CSMD2: variants seen among roughly 807,000 people sequenced by gnomAD.
CSMD2 encodes the protein CUB and Sushi multiple domains 2.
Under a neutral mutation model 398.5 loss-of-function variants are expected in CSMD2, and 130 were observed. The observed-to-expected ratio is 0.33, with a 90% CI of 0.28 to 0.38. The LOEUF is 0.38. CSMD2 is among the 10% of genes least tolerant of loss of function. The probability of loss-of-function intolerance (pLI) is 1.00; values close to 1 mark genes in which losing one functional copy is unlikely to be tolerated. For synonymous variants in CSMD2, 1,828 were observed against 1,908.5 expected (o/e 0.96, Z 1.10); for missense variants, 3,829 against 4,764.9 (o/e 0.80, Z 5.78).
At chr1:34,012,564 C>T (rs924031265) in intron 3 of CSMD2, among the ~76,000 whole-genome samples, 64 of 152,038 alleles carry the variant, frequency 4.2e-4, no homozygotes, top group African/African-American at 1.5e-3. Context: ...GCCTCAACCT[C>T]CTGAGTAGCT....
At chr1:33,955,090 A>T (rs1257354659) in intron 3 of CSMD2, among the ~76,000 whole-genome samples, 1 of 152,172 alleles carries the variant, frequency 6.6e-6, no homozygotes, top group Non-Finnish European at 1.5e-5. Context: ...AGAGAGGACG[A>T]TCCCGAGTAG....
chr1:33,725,880 T>C (rs1362448436), intron 16 of CSMD2, among the ~76,000 whole-genome samples: 1 of 151,640 alleles, frequency 6.6e-6, no homozygotes, highest in East Asian at 1.9e-4. Context: ...ATCTGGTCTA[T>C]AGCCTGGAGA....
chr1:34,106,381 G>T (rs1042743443), intron 1 of CSMD2, among the ~76,000 whole-genome samples: 1 of 152,188 alleles, frequency 6.6e-6, no homozygotes, highest in African/African-American at 2.4e-5. Context: ...TGAAATGGCT[G>T]TTACAGCCCC....
intron 3 of CSMD2, 82 bp from the exon 4 acceptor site, chr1:33,936,036 C>T (rs1644471033): frequency 2.5e-6 from 3 of 1,219,064 alleles, no homozygotes; most frequent in African/African-American, 1.5e-5. Flanking sequence ...GTAGCAACTC[C>T]CTAGGCCACT....
intron 2 of CSMD2, among the ~76,000 whole-genome samples, chr1:34,070,867 T>C (rs1195844349): frequency 6.6e-6 from 1 of 152,184 alleles, no homozygotes; most frequent in Non-Finnish European, 1.5e-5. Context: ...TCCCCGTTCC[T>C]CTTTACTTTG....
chr1:33,542,773 C>T lies in CSMD2; in HGVS notation c.9224G>A (p.Ser3075Asn). The change falls in exon 58 of 71, where the codon AGC becomes AAC. Residue 3075 changes from serine (S) to asparagine (N), a missense_variant. Ser to Asn is a conservative substitution (Grantham distance 46). Transcript: ENST00000373381. ...REGYYATGLL[S>N]RHCSVNGTWT... ...GGTACCATTGACCGAGCAGTGACGG[C>T]TGAGCAGGCCTGTGGCGTAGTATCC... The T allele has an allele frequency of 6.2e-7, 1 of 1,614,094 alleles. No individual in the cohort carries two copies. Among genetic ancestry groups the T allele is most frequent in the Non-Finnish European group, 8.5e-7 (1 of 1,180,014 alleles).
At chr1:33,640,736 A>G (rs1349705353) in intron 29 of CSMD2, among the ~76,000 whole-genome samples, 2 of 152,368 alleles carry the variant, frequency 1.3e-5, no homozygotes, top group Non-Finnish European at 2.9e-5. Context: ...CTTTAAGAGT[A>G]TATCTTATAT....
chr1:33,829,453 CAT>C (rs1204935463), intron 6 of CSMD2, among the ~76,000 whole-genome samples: 5 of 152,156 alleles, frequency 3.3e-5, no homozygotes, highest in Non-Finnish European at 5.9e-5. Context: ...AGTTTTGTTA[CAT>C]ATATATACAT....
intron 5 of CSMD2, among the ~76,000 whole-genome samples, chr1:33,886,708 C>T (rs1236648086): frequency 1.3e-5 from 2 of 152,158 alleles, no homozygotes; most frequent in Admixed American, 6.5e-5. Context: ...AGCAGCCAGC[C>T]GCAGGAAAGG....
intron 12 of CSMD2, among the ~76,000 whole-genome samples, chr1:33,786,115 T>C (rs1008722852): frequency 3.9e-5 from 6 of 152,222 alleles, no homozygotes; most frequent in Non-Finnish European, 8.8e-5. Context: ...TGACTTGATA[T>C]TTATTCCCAC....
rs1655486029 is a variant in CSMD2, at chr1:33,533,761, A to C, written c.9991+35T>G. The C allele has an allele frequency of 3.5e-6, 5 of 1,414,962 alleles. No homozygotes were observed. Among genetic ancestry groups the C allele is most frequent in the Non-Finnish European group, 5.0e-6 (5 of 999,406 alleles). The allele number at this position is 1,414,962 out of a possible 1,614,324, so 87.7% of individuals were successfully genotyped here. Reference sequence around the variant, plus strand: ...CCAGATGCCCAGCTGGGGCAAGAGGAATTTTCTTGGGATGTGGGTGAAGTC... The same window carrying C: ...CCAGATGCCCAGCTGGGGCAAGAGGCATTTTCTTGGGATGTGGGTGAAGTC... On this transcript the variant is annotated intron_variant, in intron 63 of 70. Coordinates refer to ENST00000373381, the MANE Select transcript of CSMD2 (RefSeq NM_001281956.2). The surrounding 1 kb of genome is among the most constrained non-coding windows in gnomAD (Gnocchi z 4.2).
Position 33,646,841 on chromosome 1 carries a change from G to T in CSMD2, c.4587-6C>A. ...AGCCAGGCTCCAGGTTAAAGCTGGG[G>T]AACAAAAACATCCCACCCCCACCCC... On this transcript the variant is annotated splice_region_variant and splice_polypyrimidine_tract_variant and intron_variant, in intron 28 of 70. Transcript: ENST00000373381. The T allele has an allele frequency of 6.2e-7, 1 of 1,605,280 alleles. No individual in the cohort carries two copies. Among genetic ancestry groups the T allele is most frequent in the Non-Finnish European group, 8.5e-7 (1 of 1,175,230 alleles).
intron 27 of CSMD2, among the ~76,000 whole-genome samples, chr1:33,653,498 T>A (rs1453223903): frequency 6.6e-6 from 1 of 152,160 alleles, no homozygotes; most frequent in East Asian, 1.9e-4. Context: ...CAAGAGTATG[T>A]GTGTACCTCA....
At chr1:33,957,221 C>T (rs1051661578) in intron 3 of CSMD2, among the ~76,000 whole-genome samples, 1 of 152,144 alleles carries the variant, frequency 6.6e-6, no homozygotes, top group African/African-American at 2.4e-5. Flanking sequence ...ACGCTCCATG[C>T]AAGCAGGGAG....
chr1:34,025,375 G>A (rs1649512308), intron 3 of CSMD2, among the ~76,000 whole-genome samples: 1 of 152,164 alleles, frequency 6.6e-6, no homozygotes, highest in Non-Finnish European at 1.5e-5. Context: ...TGAAAATGAA[G>A]CTTGGATGAA....
intron 2 of CSMD2, among the ~76,000 whole-genome samples, chr1:34,081,593 A>AT (rs774103910): frequency 2.5e-4 from 38 of 151,700 alleles, no homozygotes; most frequent in Non-Finnish European, 1.2e-4. Context: ...TGGTTTTTGT[A>AT]TTTTTTGGTG....
At chr1:33,771,033 C>T (rs1424873078) in intron 13 of CSMD2, among the ~76,000 whole-genome samples, 1 of 152,192 alleles carries the variant, frequency 6.6e-6, no homozygotes, top group Non-Finnish European at 1.5e-5. Flanking sequence ...GCTTGGGGGA[C>T]AGTGAATCTT....
intron 6 of CSMD2, among the ~76,000 whole-genome samples, chr1:33,835,569 G>C (rs1279876061): frequency 8.2e-6 from 1 of 121,876 alleles, no homozygotes; most frequent in Non-Finnish European, 1.6e-5. Flanking sequence ...GAGTTAGTGG[G>C]TGCAGCACAC....
intron 6 of CSMD2, among the ~76,000 whole-genome samples, chr1:33,837,548 A>G (rs962434056): frequency 6.6e-6 from 1 of 152,234 alleles, no homozygotes; most frequent in Non-Finnish European, 1.5e-5. Flanking sequence ...CACCCCCGAT[A>G]GTATGCTTAA....
Sources: allele counts gnomAD v4.1 joint callset (sites outside exome capture counted in the v4.1 genomes callset), GRCh38; gene constraint gnomAD v4.1.1; non-coding constraint Gnocchi (gnomAD v3.1); transcripts MANE v1.5; gene names NCBI Gene and HGNC (gene_info 2026-07-23, HGNC 2026-07-21).